Variants in PTPRN2 observed in about 807,000 individuals in gnomAD.
The protein encoded by PTPRN2 is protein tyrosine phosphatase receptor type N2.
A neutral mutation model predicts 118.8 loss-of-function variants in PTPRN2; 74 were observed. That is an observed-to-expected ratio of 0.62 (90% CI 0.52 to 0.76). The LOEUF (loss-of-function observed/expected upper bound fraction) is 0.76. Among genes scored for constraint, PTPRN2 ranks in the 30% least tolerant of loss-of-function variants. PTPRN2 has a pLI of 0.00. For missense variants in PTPRN2, 1,481 were observed against 1,394.4 expected (o/e 1.06, Z -0.99); for synonymous variants, 641 against 608.0 (o/e 1.05, Z -0.80).
chr7:158,345,088 G>A (rs545695866), intron 2 of PTPRN2, among the ~76,000 whole-genome samples: 2 of 152,198 alleles, frequency 1.3e-5, no homozygotes, highest in African/African-American at 4.8e-5. Context: ...CTCCATCTCT[G>A]AGGGTGGACC....
chr7:158,136,030 G>A (rs1001273622), intron 8 of PTPRN2, among the ~76,000 whole-genome samples: 6 of 152,314 alleles, frequency 3.9e-5, no homozygotes, highest in South Asian at 2.1e-4. Context: ...CGTGGACATC[G>A]CCTGCGACTG....
At chr7:158,101,863 C>T (rs1815254084) in intron 10 of PTPRN2, among the ~76,000 whole-genome samples, 1 of 152,186 alleles carries the variant, frequency 6.6e-6, no homozygotes, top group Admixed American at 6.5e-5. Context: ...TTCTGGCCCA[C>T]CCTCTCCCAG....
chr7:158,442,745 T>A (rs1817439228), intron 2 of PTPRN2, among the ~76,000 whole-genome samples: 1 of 152,214 alleles, frequency 6.6e-6, no homozygotes, highest in Non-Finnish European at 1.5e-5. Context: ...TGCTTCCTTT[T>A]CTCCTGTGTG....
Position 158,424,343 on chromosome 7 carries a change from G to A in PTPRN2, c.163+65392C>T, listed in dbSNP as rs78057293. ...CCAGCTGTAATGGAATTCCGTCAAG[G>A]AGCAAAGCGAGGCGTTTTCAGAAAC... is the stretch of plus-strand genomic sequence containing the variant. On this transcript the variant is annotated intron_variant, in intron 2 of 22. Transcript: ENST00000389418. Among the ~76,000 whole-genome samples, 636 of 152,308 alleles carry A rather than the reference G, an allele frequency of 4.2e-3. 6 individuals carry two copies. Among genetic ancestry groups the A allele is most frequent in the African/African-American group, 0.014 (602 of 41,568 alleles).
intron 3 of PTPRN2, among the ~76,000 whole-genome samples, chr7:158,295,901 C>T (rs373975173): frequency 9.8e-5 from 15 of 152,374 alleles, no homozygotes; most frequent in African/African-American, 3.4e-4. Context: ...GGTGAGCTGT[C>T]GAATCCTCAT....
At chr7:157,961,997 A>G (rs1035685050) in intron 11 of PTPRN2, among the ~76,000 whole-genome samples, 1 of 151,948 alleles carries the variant, frequency 6.6e-6, no homozygotes, top group African/African-American at 2.4e-5. Context: ...TCTGTGTCCC[A>G]CCCTCTCACT....
intron 11 of PTPRN2, among the ~76,000 whole-genome samples, chr7:157,967,314 G>C (rs1802018469): frequency 6.6e-6 from 1 of 152,182 alleles, no homozygotes; most frequent in African/African-American, 2.4e-5. Context: ...TATCTCTTCA[G>C]AACAAACAGA....
In PTPRN2 at chr7:158,522,879, T is replaced by C. The variant is rs559619000; in HGVS notation, c.113-33094A>G. ...CACTTGCTTCTGTGTGTGGCAGATG[T>C]GGAGCTGGAGAGAACAGACCTGCCG... On this transcript the variant is annotated intron_variant, in intron 1 of 22. Transcript: ENST00000389418. Among the ~76,000 whole-genome samples, 15 of 152,108 alleles carry C rather than the reference T, an allele frequency of 9.9e-5. No homozygotes were observed. In the South Asian group the frequency reaches 2.9e-3, roughly 29 times the overall value.
At position 157,751,981 on chromosome 7, in the gene PTPRN2, C is replaced by T. The variant is rs76012958; in HGVS notation, c.1789-69044G>A. Among the ~76,000 whole-genome samples, 62 of 152,198 alleles carry T rather than the reference C, an allele frequency of 4.1e-4. 1 individual carries two copies. In the East Asian group the frequency reaches 0.012, roughly 29 times the overall value. ...GGACTTGCAGTTGCCCTGGACAGCC[C>T]GGCCTTGCGAGACTCCCATTCCGAT... On this transcript the variant is annotated intron_variant, in intron 12 of 22. Coordinates refer to ENST00000389418, the MANE Select transcript of PTPRN2 (RefSeq NM_002847.5).
chr7:158,009,139 A>G (rs1465185850), intron 11 of PTPRN2, among the ~76,000 whole-genome samples: 1 of 150,652 alleles, frequency 6.6e-6, no homozygotes, highest in Admixed American at 6.6e-5. Context: ...CCCGTGACCG[A>G]CCCCCTCAGT....
intron 2 of PTPRN2, among the ~76,000 whole-genome samples, chr7:158,324,634 T>A (rs1438660528): frequency 6.6e-6 from 1 of 151,776 alleles, no homozygotes; most frequent in East Asian, 2.0e-4. Context: ...AGCATTTCTA[T>A]CCCCAGCTCC....
intron 21 of PTPRN2, among the ~76,000 whole-genome samples, chr7:157,557,195 A>C (rs1418510174): frequency 1.3e-5 from 2 of 149,790 alleles, no homozygotes; most frequent in East Asian, 2.0e-4. Flanking sequence ...ACACCACACA[A>C]CACACACACC....
At chr7:158,187,475 A>G (rs1285791432) in intron 5 of PTPRN2, among the ~76,000 whole-genome samples, 2 of 152,186 alleles carry the variant, frequency 1.3e-5, no homozygotes, top group African/African-American at 4.8e-5. Context: ...CTAAGTCCCT[A>G]TATTTACGGG....
intron 5 of PTPRN2, among the ~76,000 whole-genome samples, chr7:158,180,949 T>G (rs1824649687): frequency 6.6e-6 from 1 of 152,216 alleles, no homozygotes; most frequent in South Asian, 2.1e-4. Context: ...GTTTTCTGAC[T>G]GCTCTGGCTA....
intron 12 of PTPRN2, among the ~76,000 whole-genome samples, chr7:157,759,178 C>G (rs750681645): frequency 6.6e-6 from 1 of 152,246 alleles, no homozygotes; most frequent in Non-Finnish European, 1.5e-5. Flanking sequence ...CTGGGAGCAT[C>G]GGTGCCTGGG....
chr7:158,510,402 G>A (rs1434731071), intron 1 of PTPRN2, among the ~76,000 whole-genome samples: 4 of 150,948 alleles, frequency 2.6e-5, no homozygotes, highest in Admixed American at 6.6e-5. Flanking sequence ...TCTCAAATTC[G>A]CACCCCACAA....
intron 11 of PTPRN2, among the ~76,000 whole-genome samples, chr7:158,053,827 G>A (rs1182113411): frequency 6.6e-5 from 10 of 150,436 alleles, no homozygotes; most frequent in African/African-American, 1.7e-4. Context: ...AGACCCCAGA[G>A]ATGCAGAGAC....
In PTPRN2 at chr7:158,585,779, A is replaced by G. The variant is rs369141387; in HGVS notation, c.112+1779T>C. ...CAAGGACCAGCCTCCAGCTCACACC[A>G]TAATGACCTACCTTCCCTGGGACAC... On this transcript the variant is annotated intron_variant, in intron 1 of 22. Transcript: ENST00000389418. 8.8e-4 allele frequency among the ~76,000 whole-genome samples: 134 copies of G among 152,322 alleles called. 5 individuals are homozygous for G. The South Asian group carries it at 0.027, about 30-fold the overall frequency.
chr7:157,952,505 C>T (rs190535201), intron 11 of PTPRN2, among the ~76,000 whole-genome samples: 22 of 151,222 alleles, frequency 1.5e-4, no homozygotes, highest in Admixed American at 3.9e-4. Context: ...GGGAGGGAGA[C>T]GCTGACTCCG....
Sources: allele counts gnomAD v4.1 joint callset (sites outside exome capture counted in the v4.1 genomes callset), GRCh38; gene constraint gnomAD v4.1.1; transcripts MANE v1.5; gene names NCBI Gene and HGNC (gene_info 2026-07-23, HGNC 2026-07-21).